ZFPM2: variants seen among roughly 807,000 people sequenced by gnomAD.
ZFPM2 encodes the protein zinc finger protein, FOG family member 2, also known as zinc finger protein ZFPM2.
Under a neutral mutation model 98.6 loss-of-function variants are expected in ZFPM2, and 20 were observed. The observed-to-expected ratio is 0.20, with a 90% confidence interval of 0.14 to 0.29. ZFPM2 has a LOEUF of 0.29. Among genes scored for constraint, ZFPM2 ranks in the 10% least tolerant of loss-of-function variants. The pLI, the probability that ZFPM2 is intolerant of heterozygous loss-of-function variation, is 1.00. For synonymous variants in ZFPM2, 518 were observed against 502.7 expected (o/e 1.03, Z -0.41); for missense variants, 1,310 against 1,388.6 (o/e 0.94, Z 0.90).
intron 3 of ZFPM2, among the ~76,000 whole-genome samples, chr8:105,530,601 C>T (rs1031447471): frequency 1.3e-5 from 2 of 152,140 alleles, no homozygotes; most frequent in East Asian, 3.9e-4. Flanking sequence ...GTGCATGAAA[C>T]AGCGAGCATG....
At chr8:105,625,997 A>AGAGG (rs1249320313) in intron 4 of ZFPM2, among the ~76,000 whole-genome samples, 1 of 151,802 alleles carries the variant, frequency 6.6e-6, no homozygotes, top group South Asian at 2.1e-4. Context: ...AAAGAAAGAA[A>AGAGG]GAGGGAGGGA....
intron 1 of ZFPM2, among the ~76,000 whole-genome samples, chr8:105,369,893 C>T (rs1014159669): frequency 2.6e-5 from 4 of 151,972 alleles, no homozygotes; most frequent in African/African-American, 9.7e-5. Flanking sequence ...AATACACATA[C>T]AAATAATAAA....
chr8:105,420,752 A>G (rs1322088626), intron 2 of ZFPM2, among the ~76,000 whole-genome samples: 2 of 151,948 alleles, frequency 1.3e-5, no homozygotes, highest in African/African-American at 4.8e-5. Context: ...AGACATCTCA[A>G]TTTTTTTTCT....
intron 4 of ZFPM2, among the ~76,000 whole-genome samples, chr8:105,608,580 G>GTTT (rs397978197): frequency 0.055 from 5,952 of 108,548 alleles, 240 homozygotes; most frequent in Admixed American, 0.074. Flanking sequence ...AACACCAAGA[G>GTTT]TTTTTTTTTT....
intron 5 of ZFPM2, among the ~76,000 whole-genome samples, chr8:105,718,276 T>C (rs1329522663): frequency 2.0e-5 from 3 of 151,858 alleles, no homozygotes; most frequent in Non-Finnish European, 4.4e-5. Context: ...GACTACAACA[T>C]CCAGAACAGG....
intron 3 of ZFPM2, among the ~76,000 whole-genome samples, chr8:105,478,402 A>G (rs1813052646): frequency 1.3e-5 from 2 of 152,228 alleles, no homozygotes; most frequent in South Asian, 4.1e-4. Context: ...CTTTATAGGA[A>G]TGGAATGTGT....
intron 6 of ZFPM2, among the ~76,000 whole-genome samples, chr8:105,791,037 C>T (rs1399009941): frequency 1.3e-5 from 2 of 152,172 alleles, no homozygotes; most frequent in Non-Finnish European, 2.9e-5. Flanking sequence ...CGTCTGCAAA[C>T]AGGGACAATT....
At chr8:105,707,302 CCTT>C (rs931971451) in intron 5 of ZFPM2, among the ~76,000 whole-genome samples, 5 of 151,578 alleles carry the variant, frequency 3.3e-5, no homozygotes, top group African/African-American at 9.7e-5. Flanking sequence ...CCCAAATTCT[CCTT>C]CTACTTTATC....
intron 5 of ZFPM2, among the ~76,000 whole-genome samples, chr8:105,784,164 C>G (rs1201034508): frequency 6.6e-6 from 1 of 152,096 alleles, no homozygotes; most frequent in African/African-American, 2.4e-5. Flanking sequence ...TTTTCATGTG[C>G]TTGGATAGCT....
chr8:105,578,427 TTTACTCCAG>T (rs1179051881), intron 4 of ZFPM2, among the ~76,000 whole-genome samples: 1 of 152,070 alleles, frequency 6.6e-6, no homozygotes, highest in African/African-American at 2.4e-5. Flanking sequence ...TTTCTCCAGT[TTTACTCCAG>T]TTACTCCAGT....
chr8:105,697,970 A>G (rs373740965), intron 5 of ZFPM2, among the ~76,000 whole-genome samples: 2 of 152,204 alleles, frequency 1.3e-5, no homozygotes, highest in East Asian at 1.9e-4. Flanking sequence ...AAGAAGGGTT[A>G]GCTGGTCCTT....
intron 1 of ZFPM2, chr8:105,414,744 G>A (rs1222344719): frequency 6.6e-6 from 1 of 151,878 alleles, no homozygotes; most frequent in African/African-American, 2.4e-5. Flanking sequence ...GGGACTAAGT[G>A]CTCCATTAAC....
At chr8:105,785,901 G>A (rs747017706) in intron 5 of ZFPM2, among the ~76,000 whole-genome samples, 8 of 151,922 alleles carry the variant, frequency 5.3e-5, no homozygotes, top group South Asian at 2.1e-4. Context: ...AATTAGCTGC[G>A]CGTGGTGGCA....
chr8:105,781,384 T>G (rs1813245221), intron 5 of ZFPM2, among the ~76,000 whole-genome samples: 1 of 152,182 alleles, frequency 6.6e-6, no homozygotes. Flanking sequence ...GTAAGTGCTT[T>G]CTAAGTGTTA....
intron 5 of ZFPM2, among the ~76,000 whole-genome samples, chr8:105,691,548 C>T (rs1563523269): frequency 6.6e-6 from 1 of 152,112 alleles, no homozygotes; most frequent in Non-Finnish European, 1.5e-5. Flanking sequence ...GCGCCCAGCC[C>T]CAAAGAGACT....
intron 5 of ZFPM2, among the ~76,000 whole-genome samples, chr8:105,699,990 G>A (rs192755337): frequency 8.3e-4 from 126 of 152,230 alleles, no homozygotes; most frequent in Admixed American, 3.2e-3. Context: ...TGATAACAAA[G>A]TAATTAAAAT....
chr8:105,633,083 T>C (rs576853438), intron 4 of ZFPM2, among the ~76,000 whole-genome samples: 1 of 152,350 alleles, frequency 6.6e-6, no homozygotes, highest in African/African-American at 2.4e-5. Flanking sequence ...TGTGCTATCA[T>C]TGTTGTCATG....
chr8:105,537,078 T>C (rs553027715), intron 3 of ZFPM2, among the ~76,000 whole-genome samples: 1 of 152,318 alleles, frequency 6.6e-6, no homozygotes, highest in South Asian at 2.1e-4. Flanking sequence ...ACAATTGTTT[T>C]ATTGCATTCA....
At chr8:105,653,781 G>A (rs1817227505) in intron 5 of ZFPM2, among the ~76,000 whole-genome samples, 2 of 146,686 alleles carry the variant, frequency 1.4e-5, no homozygotes, top group East Asian at 2.0e-4. Context: ...GAGCATGAGC[G>A]TATCATAAAG....
Sources: gnomAD v4.1 joint callset for allele counts (sites outside exome capture counted in the v4.1 genomes callset) on GRCh38, gnomAD v4.1.1 for gene constraint, MANE v1.5 for transcripts, NCBI Gene and HGNC (gene_info 2026-07-23, HGNC 2026-07-21) for gene names.